The following L3MBTL4 variants were observed in gnomAD, a reference collection of about 807,000 sequenced individuals.
L3MBTL4 encodes lethal(3)malignant brain tumor-like protein 4.
Under a neutral mutation model 84.5 loss-of-function variants are expected in L3MBTL4, and 70 were observed. The ratio of observed to expected loss-of-function variants is 0.83; its 90% CI spans 0.68 to 1.01. L3MBTL4 has a LOEUF of 1.01. Ranked by LOEUF, L3MBTL4 falls within the 50% of genes least tolerant of loss-of-function variation. L3MBTL4 has a pLI of 0.00. For missense variants in L3MBTL4, 715 were observed against 754.8 expected, an observed-to-expected ratio of 0.95 and a Z score of 0.62; for synonymous variants, 274 against 259.8, an observed-to-expected ratio of 1.05 and a Z score of -0.52.
intron 17 of L3MBTL4, among the ~76,000 whole-genome samples, chr18:5,964,538 T>C (rs1359814811): frequency 6.6e-6 from 1 of 152,004 alleles, no homozygotes; most frequent in African/African-American, 2.4e-5. Context: ...CCCAATTGTA[T>C]AAGGCTGCTC....
chr18:6,016,008 T>C (rs1289217838), intron 16 of L3MBTL4, among the ~76,000 whole-genome samples: 7 of 152,146 alleles, frequency 4.6e-5, no homozygotes, highest in Non-Finnish European at 7.4e-5. Context: ...CAGTCTCTAC[T>C]GAGTGTCCTG....
intron 16 of L3MBTL4, among the ~76,000 whole-genome samples, chr18:5,973,690 G>T (rs996020542): frequency 6.6e-6 from 1 of 152,114 alleles, no homozygotes; most frequent in African/African-American, 2.4e-5. Flanking sequence ...TCTATCTTGG[G>T]CATTTTGGGT....
chr18:5,964,342 A>G (rs551991337), intron 17 of L3MBTL4, among the ~76,000 whole-genome samples: 2 of 152,290 alleles, frequency 1.3e-5, no homozygotes, highest in South Asian at 4.2e-4. Context: ...GGAGCTCAGC[A>G]GGACTCATGT....
chr18:6,126,150 A>AC (rs1165521719), intron 14 of L3MBTL4, among the ~76,000 whole-genome samples: 2 of 152,186 alleles, frequency 1.3e-5, no homozygotes, highest in African/African-American at 4.8e-5. Context: ...CAAAAAAGAC[A>AC]CAGATTAAAG....
intron 16 of L3MBTL4, among the ~76,000 whole-genome samples, chr18:6,039,314 A>C (rs1040372760): frequency 7.9e-5 from 12 of 152,234 alleles, no homozygotes; most frequent in Admixed American, 2.0e-4. Flanking sequence ...TGAAGGAAAA[A>C]TAAGAAAATT....
intron 4 of L3MBTL4, among the ~76,000 whole-genome samples, chr18:6,286,519 C>A (rs7232508): frequency 0.17 from 26,270 of 151,656 alleles, 2,307 homozygotes; most frequent in Middle Eastern, 0.22. Flanking sequence ...AAAAATAAAA[C>A]CTCTAAGGTT....
At chr18:6,091,699 C>T (rs1019789921) in intron 15 of L3MBTL4, among the ~76,000 whole-genome samples, 3 of 152,108 alleles carry the variant, frequency 2.0e-5, no homozygotes, top group African/African-American at 7.2e-5. Flanking sequence ...GAAAGAAAAG[C>T]TTAGCTAACC....
At chr18:6,402,163 A>G (rs2055539454) in intron 1 of L3MBTL4, among the ~76,000 whole-genome samples, 1 of 152,234 alleles carries the variant, frequency 6.6e-6, no homozygotes, top group Non-Finnish European at 1.5e-5. Flanking sequence ...CATTCAGATT[A>G]TTTTTATCTC....
intron 15 of L3MBTL4, chr18:6,082,488 T>C (rs1339150800): frequency 1.3e-5 from 2 of 152,138 alleles, no homozygotes; most frequent in East Asian, 3.9e-4. Flanking sequence ...TTCCAAAGAA[T>C]AATTTGGGGC....
chr18:6,302,397 C>T, intron 3 of L3MBTL4, among the ~76,000 whole-genome samples: 1 of 152,268 alleles, frequency 6.6e-6, no homozygotes, highest in East Asian at 1.9e-4. Flanking sequence ...TTTAACCAAA[C>T]TGACCTTCAT....
In L3MBTL4 at chr18:6,000,445, G is replaced by T. The variant is rs634203; in HGVS notation, c.1445-30883C>A. 2.6e-5 allele frequency among the ~76,000 whole-genome samples: 4 copies of T among 152,086 alleles called. No homozygotes were observed. In the East Asian group the frequency reaches 5.8e-4, roughly 22 times the overall value. On this transcript the variant is annotated intron_variant, in intron 16 of 18. Transcript: ENST00000317931. ...TGGAACTCGAAGGAGCAGAAAGGGAGAATGGACCTTGCATAACCCGGAGTC... is the reference window on the plus strand; with the variant it reads ...TGGAACTCGAAGGAGCAGAAAGGGATAATGGACCTTGCATAACCCGGAGTC...
intron 16 of L3MBTL4, chr18:6,046,867 C>T: frequency 1.6e-6 from 1 of 632,432 alleles, no homozygotes; most frequent in Non-Finnish European, 2.9e-6. Context: ...TATAAACTAA[C>T]CCCAAAACTA....
intron 16 of L3MBTL4, among the ~76,000 whole-genome samples, chr18:6,023,064 C>T (rs1228472740): frequency 6.6e-6 from 1 of 151,760 alleles, no homozygotes; most frequent in South Asian, 2.1e-4. Flanking sequence ...ATGCAAAGCC[C>T]TGAGGAAGGC....
At chr18:6,106,039 A>G (rs953788772) in intron 14 of L3MBTL4, among the ~76,000 whole-genome samples, 1 of 152,162 alleles carries the variant, frequency 6.6e-6, no homozygotes, top group African/African-American at 2.4e-5. Context: ...GCAATTCTCA[A>G]AATACCCCTG....
intron 14 of L3MBTL4, among the ~76,000 whole-genome samples, chr18:6,106,330 A>G (rs541316107): frequency 6.6e-6 from 1 of 152,356 alleles, no homozygotes; most frequent in Admixed American, 6.5e-5. Flanking sequence ...TGATATTAAC[A>G]TATTTATATA....
intron 14 of L3MBTL4, among the ~76,000 whole-genome samples, chr18:6,123,207 G>GAAATGCA (rs1568159128): frequency 6.6e-6 from 1 of 152,138 alleles, no homozygotes; most frequent in Non-Finnish European, 1.5e-5. Context: ...ATTAAACAGT[G>GAAATGCA]AAATGCACAT....
At chr18:6,190,348 C>G (rs932451828) in intron 12 of L3MBTL4, among the ~76,000 whole-genome samples, 2 of 152,100 alleles carry the variant, frequency 1.3e-5, no homozygotes, top group Non-Finnish European at 2.9e-5. Context: ...CTGTTTTGAC[C>G]TGGATGATAG....
intron 1 of L3MBTL4, among the ~76,000 whole-genome samples, chr18:6,350,956 C>T (rs1049305027): frequency 6.6e-6 from 1 of 152,166 alleles, no homozygotes; most frequent in African/African-American, 2.4e-5. Flanking sequence ...CTTTGGGAGG[C>T]TAAAGCGGAC....
At chr18:6,051,329 A>C (rs762415246) in intron 16 of L3MBTL4, among the ~76,000 whole-genome samples, 109 of 152,318 alleles carry the variant, frequency 7.2e-4, no homozygotes, top group Non-Finnish European at 1.4e-3. Context: ...ACCCGAGGTC[A>C]GGAGTTCGAG....
Sources: allele counts gnomAD v4.1 joint callset (sites outside exome capture counted in the v4.1 genomes callset), GRCh38; gene constraint gnomAD v4.1.1; transcripts MANE v1.5; gene names NCBI Gene and HGNC (gene_info 2026-07-23, HGNC 2026-07-21).